TANK: variants seen among roughly 807,000 people sequenced by gnomAD.
The protein encoded by TANK is TRAF family member-associated NF-kappa-B activator.
TANK carries 15 observed loss-of-function variants against 43.6 expected under a neutral mutation model. The observed-to-expected ratio is 0.34, with a 90% confidence interval of 0.23 to 0.53. TANK has a LOEUF of 0.53. Ranked by LOEUF, TANK falls within the 20% of genes least tolerant of loss-of-function variation. The pLI, the probability that TANK is intolerant of heterozygous loss-of-function variation, is 0.94. For missense variants in TANK, 417 were observed against 498.6 expected, an observed-to-expected ratio of 0.84 and a Z score of 1.56; for synonymous variants, 162 against 178.2, an observed-to-expected ratio of 0.91 and a Z score of 0.73.
chr2:161,160,356 T>G (rs1022243379), upstream of TANK: 17 of 1,091,168 alleles, frequency 1.6e-5, no homozygotes, highest in Non-Finnish European at 2.0e-5. Context: ...TGGGTGGAGG[T>G]GAAGAGTTAA....
At chr2:161,203,395 G>T in intron 2 of TANK, 92 bp from the exon 3 acceptor site, 1 of 793,846 alleles carries the variant, frequency 1.3e-6, no homozygotes, top group Non-Finnish European at 2.0e-6. Flanking sequence ...GACAATGTGG[G>T]CAACTCATAT....
chr2:161,210,453 A>G (rs1362615637), intron 4 of TANK, among the ~76,000 whole-genome samples: 2 of 152,208 alleles, frequency 1.3e-5, no homozygotes, highest in Admixed American at 1.3e-4. Context: ...AAATGACAAT[A>G]TGGAGACCTA....
At chr2:161,159,426 A>C (rs1364392245), upstream of TANK, among the ~76,000 whole-genome samples, 3 of 152,218 alleles carry the variant, frequency 2.0e-5, no homozygotes, top group African/African-American at 7.2e-5. Context: ...GCAGTACTGT[A>C]TTGTGATGTT....
intron 2 of TANK, among the ~76,000 whole-genome samples, chr2:161,190,248 A>C (rs182562670): frequency 2.0e-5 from 3 of 152,204 alleles, no homozygotes; most frequent in African/African-American, 7.2e-5. Context: ...GTAAAACCAC[A>C]GTGAGATGCT....
At position 161,206,810 on chromosome 2, in the gene TANK, G is replaced by A. The variant is rs77303543; in HGVS notation, c.327+2017G>A. On this transcript the variant is annotated intron_variant, in intron 4 of 7. Transcript: ENST00000392749. ...GAATTACTATACTGACATAAATTTA[G>A]TGCTTAAATAAACAATATTTCTAAT... Among the ~76,000 whole-genome samples, 125 of 152,106 alleles carry A rather than the reference G, an allele frequency of 8.2e-4. 2 individuals carry two copies. In the East Asian group the frequency reaches 0.023, roughly 28 times the overall value.
chr2:161,231,227 C>T lies in TANK; in HGVS notation c.777C>T (p.Ala259=), dbSNP rs1440712361. 4.3e-6 allele frequency: 7 copies of T among 1,613,874 alleles called. No individual in the cohort carries two copies. The African/African-American group carries it at 6.7e-5, about 15-fold the overall frequency. The change falls in exon 7 of 8, where the codon GCC becomes GCT. Residue 259 remains alanine (A), a synonymous_variant. Coordinates refer to ENST00000392749, the MANE Select transcript of TANK (RefSeq NM_001199135.3). Reference sequence around the variant, plus strand: ...AGAGACCCGGCATCCTTAGTCCTGCCACGTCTGAGGCAGTGTGCCAAGAGA... The same window carrying T: ...AGAGACCCGGCATCCTTAGTCCTGCTACGTCTGAGGCAGTGTGCCAAGAGA... ...TPERPGILSP[A]TSEAVCQEKF...
At chr2:161,151,906 A>G (rs1038704302) in intron 1 of TANK, among the ~76,000 whole-genome samples, 1 of 152,116 alleles carries the variant, frequency 6.6e-6, no homozygotes, top group Non-Finnish European at 1.5e-5. Flanking sequence ...TTAGTGGTAT[A>G]CCATTTTATT....
chr2:161,162,226 T>A (rs907912053), intron 1 of TANK, among the ~76,000 whole-genome samples: 12 of 152,134 alleles, frequency 7.9e-5, no homozygotes, highest in African/African-American at 2.4e-4. Flanking sequence ...TCTGCTTTGA[T>A]ATTACGTTTT....
intron 6 of TANK, among the ~76,000 whole-genome samples, chr2:161,229,593 A>G (rs1272977130): frequency 2.0e-5 from 3 of 152,220 alleles, no homozygotes; most frequent in Admixed American, 6.5e-5. Context: ...AGTTGGTTGC[A>G]TTTTACTACA....
At chr2:161,229,379 C>T (rs1687794488) in intron 6 of TANK, among the ~76,000 whole-genome samples, 1 of 152,068 alleles carries the variant, frequency 6.6e-6, no homozygotes, top group East Asian at 1.9e-4. Flanking sequence ...AGGAAGGTAA[C>T]TTGGTCAGAT....
chr2:161,190,399 TA>T (rs1685861162), intron 2 of TANK, among the ~76,000 whole-genome samples: 1 of 152,164 alleles, frequency 6.6e-6, no homozygotes, highest in African/African-American at 2.4e-5. Context: ...TGGCAATTCT[TA>T]AAAAAATTAA....
chr2:161,169,345 C>T (rs909498917), intron 1 of TANK, among the ~76,000 whole-genome samples: 1 of 152,088 alleles, frequency 6.6e-6, no homozygotes, highest in Non-Finnish European at 1.5e-5. Context: ...AAAAAGTTTT[C>T]AGAAAAGGAA....
At chr2:161,152,649 T>A (rs1399240376) in intron 1 of TANK, among the ~76,000 whole-genome samples, 1 of 152,164 alleles carries the variant, frequency 6.6e-6, no homozygotes, top group Non-Finnish European at 1.5e-5. Context: ...GGACCTGGCC[T>A]ACAGAAGGAA....
intron 1 of TANK, among the ~76,000 whole-genome samples, chr2:161,153,997 T>C (rs1412246598): frequency 6.6e-6 from 1 of 152,218 alleles, no homozygotes; most frequent in Non-Finnish European, 1.5e-5. Flanking sequence ...GGGGCAATGA[T>C]AACCTAGGAC....
At chr2:161,205,340 TAATG>T (rs985680556) in intron 4 of TANK, among the ~76,000 whole-genome samples, 3 of 151,864 alleles carry the variant, frequency 2.0e-5, no homozygotes, top group African/African-American at 4.8e-5. Context: ...ATAAATGAAT[TAATG>T]AATGAATGCC....
intron 2 of TANK, among the ~76,000 whole-genome samples, chr2:161,201,921 A>G (rs1053547865): frequency 6.6e-6 from 1 of 152,230 alleles, no homozygotes; most frequent in Non-Finnish European, 1.5e-5. Flanking sequence ...TCTGTTCACA[A>G]TAATAAAATG....
chr2:161,151,604 C>CTGTT (rs1684083947), intron 1 of TANK, among the ~76,000 whole-genome samples: 1 of 152,086 alleles, frequency 6.6e-6, no homozygotes, highest in Admixed American at 6.5e-5. Context: ...CTTTTGGTTA[C>CTGTT]TGTTTGCATG....
chr2:161,140,442 C>A (rs1314787207), intron 1 of TANK, among the ~76,000 whole-genome samples: 2 of 152,126 alleles, frequency 1.3e-5, no homozygotes. Flanking sequence ...ATGTGGATAA[C>A]CCTTTTTCAT....
chr2:161,207,368 A>G, intron 4 of TANK: 6 of 965,514 alleles, frequency 6.2e-6, no homozygotes, highest in Non-Finnish European at 7.4e-6. Flanking sequence ...GGAAAGGTTT[A>G]TGTTTTAGCC....
Sources: gnomAD v4.1 joint callset for allele counts (sites outside exome capture counted in the v4.1 genomes callset) on GRCh38, gnomAD v4.1.1 for gene constraint, MANE v1.5 for transcripts, NCBI Gene and HGNC (gene_info 2026-07-23, HGNC 2026-07-21) for gene names.